PLCL1: variants seen among roughly 807,000 people sequenced by gnomAD.
The protein encoded by PLCL1 is phospholipase C like 1 (inactive), also known as inactive phospholipase C-like protein 1.
A neutral mutation model predicts 84.4 loss-of-function variants in PLCL1; 41 were observed. The ratio of observed to expected loss-of-function variants is 0.49; its 90% CI spans 0.38 to 0.63. PLCL1 has a LOEUF of 0.63. Ranked by LOEUF, PLCL1 falls within the 30% of genes least tolerant of loss-of-function variation. PLCL1 has a pLI of 0.00. For synonymous variants in PLCL1, 490 were observed against 488.3 expected (o/e 1.00, Z -0.05); for missense variants, 1,206 against 1,367.8 (o/e 0.88, Z 1.87).
chr2:197,805,141 C>G lies in PLCL1; in HGVS notation c.42C>G (p.Pro14=), dbSNP rs936437449. 1.1e-5 allele frequency: 14 copies of G among 1,311,570 alleles called. No homozygotes were observed. In the East Asian group the frequency reaches 4.4e-4, roughly 41 times the overall value. 81.2% of individuals were successfully genotyped at this position (1,311,570 alleles called of 1,614,324 possible). A position where few individuals can be genotyped will look rare whatever the true frequency, so the allele number is the denominator to read the frequency against. The change falls in exon 1 of 6, where the codon CCC becomes CCG. Residue 14 remains proline, a synonymous_variant. Coordinates refer to ENST00000428675, the MANE Select transcript of PLCL1 (RefSeq NM_006226.4). The surrounding 1 kb of genome is among the most constrained non-coding windows in gnomAD (Gnocchi z 4.0). ...GAAGREDPAP[P]DAAGGEDDPR... ...CCGGCAGGGAGGATCCGGCGCCGCCCGACGCGGCGGGGGGCGAAGACGACC... is the reference window on the plus strand; with the variant it reads ...CCGGCAGGGAGGATCCGGCGCCGCCGGACGCGGCGGGGGGCGAAGACGACC...
intron 1 of PLCL1, among the ~76,000 whole-genome samples, chr2:197,815,378 CAG>C (rs1215225264): frequency 1.3e-5 from 2 of 152,038 alleles, no homozygotes; most frequent in Non-Finnish European, 2.9e-5. Context: ...ACCTACTGCT[CAG>C]AAAAAAACAT....
intron 1 of PLCL1, among the ~76,000 whole-genome samples, chr2:197,909,977 A>C (rs539282940): frequency 1.4e-4 from 22 of 152,266 alleles, no homozygotes; most frequent in Middle Eastern, 3.4e-3. Flanking sequence ...AGAGTGAGGC[A>C]GACTTTGTTT....
chr2:197,851,119 C>T (rs565078522), intron 1 of PLCL1, among the ~76,000 whole-genome samples: 7 of 152,302 alleles, frequency 4.6e-5, no homozygotes, highest in East Asian at 3.9e-4. Context: ...GTGCATTGCA[C>T]GTGTAAATAA....
chr2:197,858,157 C>G (rs1687363298), intron 1 of PLCL1, among the ~76,000 whole-genome samples: 1 of 152,144 alleles, frequency 6.6e-6, no homozygotes, highest in Admixed American at 6.5e-5. Context: ...AATATGTGAT[C>G]TATTGGTAGG....
intron 1 of PLCL1, among the ~76,000 whole-genome samples, chr2:198,037,255 A>G (rs1004081783): frequency 1.3e-5 from 2 of 152,230 alleles, no homozygotes; most frequent in African/African-American, 4.8e-5. Flanking sequence ...AGGATAATAG[A>G]AGTACTTATA....
chr2:198,107,962 C>T (rs768169777), intron 5 of PLCL1, among the ~76,000 whole-genome samples: 9 of 151,794 alleles, frequency 5.9e-5, no homozygotes, highest in Non-Finnish European at 1.2e-4. Flanking sequence ...CAAATGACCT[C>T]CTTTGAATTT....
intron 3 of PLCL1, among the ~76,000 whole-genome samples, chr2:198,091,563 C>T (rs908899288): frequency 6.6e-6 from 1 of 151,826 alleles, no homozygotes; most frequent in Non-Finnish European, 1.5e-5. Flanking sequence ...GCCTGTAATC[C>T]CAGCTACTTG....
intron 4 of PLCL1, among the ~76,000 whole-genome samples, chr2:198,101,965 A>G (rs1055774547): frequency 6.6e-6 from 1 of 152,036 alleles, no homozygotes; most frequent in Admixed American, 6.6e-5. Context: ...ACTGCTTGAT[A>G]CATTGCATAT....
At chr2:198,023,596 A>G (rs928251777) in intron 1 of PLCL1, among the ~76,000 whole-genome samples, 2 of 152,254 alleles carry the variant, frequency 1.3e-5, no homozygotes, top group Non-Finnish European at 2.9e-5. Context: ...GGATATGGAC[A>G]GACGCTTTTC....
At chr2:197,966,845 A>ATTTT (rs34706360) in intron 1 of PLCL1, among the ~76,000 whole-genome samples, 124 of 100,262 alleles carry the variant, frequency 1.2e-3, no homozygotes, top group African/African-American at 4.1e-3. Flanking sequence ...ATCCATACTA[A>ATTTT]TTTTTTTTTT....
intron 1 of PLCL1, among the ~76,000 whole-genome samples, chr2:198,059,801 G>T (rs1692149608): frequency 6.6e-6 from 1 of 152,158 alleles, no homozygotes; most frequent in South Asian, 2.1e-4. Context: ...AATAGAGGTA[G>T]CCCAGGCAAA....
intron 1 of PLCL1, among the ~76,000 whole-genome samples, chr2:197,867,429 A>C (rs1189876345): frequency 6.6e-6 from 1 of 151,574 alleles, no homozygotes; most frequent in Non-Finnish European, 1.5e-5. Context: ...TGTTGCTATT[A>C]CATTATGGAG....
intron 1 of PLCL1, among the ~76,000 whole-genome samples, chr2:197,998,173 CTA>C (rs558797409): frequency 0.013 from 992 of 77,414 alleles, 7 homozygotes; most frequent in Non-Finnish European, 0.018. Context: ...AAGAATGGAG[CTA>C]TGTGTGTGTG....
chr2:197,945,070 G>A (rs144342469), intron 1 of PLCL1, among the ~76,000 whole-genome samples: 3 of 152,256 alleles, frequency 2.0e-5, no homozygotes, highest in African/African-American at 4.8e-5. Context: ...TGTTCAGAGT[G>A]TTTTAATATC....
chr2:198,093,304 G>A (rs1186760587), intron 3 of PLCL1, among the ~76,000 whole-genome samples: 1 of 152,138 alleles, frequency 6.6e-6, no homozygotes, highest in Non-Finnish European at 1.5e-5. Context: ...TAGCTAATAA[G>A]AATGTATCAA....
In PLCL1 at chr2:197,854,483, CA is replaced by C. The variant is rs201846788; in HGVS notation, c.240+49153del. On this transcript the variant is annotated intron_variant, in intron 1 of 5. Transcript: ENST00000428675. ...GTCTTCATGCTTCTTTAGTTTCCAG[CA>C]AAAAAAAATCTTCAAATGAGTTTTT... Among the ~76,000 whole-genome samples, 634 of 149,802 alleles carry C rather than the reference CA, an allele frequency of 4.2e-3. 4 individuals carry two copies. Among genetic ancestry groups the C allele is most frequent in the African/African-American group, 0.014 (583 of 40,824 alleles).
chr2:198,060,526 C>G (rs544895676), intron 1 of PLCL1, among the ~76,000 whole-genome samples: 1 of 152,178 alleles, frequency 6.6e-6, no homozygotes, highest in Non-Finnish European at 1.5e-5. Context: ...CGAGTTGGAA[C>G]ATTTCAGTCC....
chr2:198,132,764 C>G (rs2105937798), intron 5 of PLCL1, among the ~76,000 whole-genome samples: 1 of 152,016 alleles, frequency 6.6e-6, no homozygotes, highest in Middle Eastern at 3.4e-3. Context: ...AAAATTTTCT[C>G]CCATGTTGTA....
chr2:198,115,623 T>TG (rs1693725780), intron 5 of PLCL1, among the ~76,000 whole-genome samples: 1 of 151,908 alleles, frequency 6.6e-6, no homozygotes, highest in Non-Finnish European at 1.5e-5. Context: ...AGAGGTTTAA[T>TG]GGACTCACAG....
Sources: gnomAD v4.1 joint callset for allele counts (sites outside exome capture counted in the v4.1 genomes callset) on GRCh38, gnomAD v4.1.1 for gene constraint, Gnocchi (gnomAD v3.1) non-coding constraint, MANE v1.5 for transcripts, NCBI Gene and HGNC (gene_info 2026-07-23, HGNC 2026-07-21) for gene names.